The following FRMD4B variants were observed in gnomAD, a reference collection of about 807,000 sequenced individuals.
The protein encoded by FRMD4B is FERM domain-containing protein 4B.
In FRMD4B, 74 loss-of-function variants were observed where a neutral mutation model predicts 141.5. The observed-to-expected ratio is 0.52, with a 90% confidence interval of 0.43 to 0.63. The LOEUF (loss-of-function observed/expected upper bound fraction) is 0.63, where lower values mean the gene tolerates loss of function less well. FRMD4B is among the 30% of genes least tolerant of loss of function. FRMD4B has a pLI of 0.00. For synonymous variants in FRMD4B, 506 were observed against 467.9 expected (o/e 1.08, Z -1.05); for missense variants, 1,366 against 1,253.4 (o/e 1.09, Z -1.36).
At position 69,459,050 on chromosome 3, in the gene FRMD4B, C is replaced by T. The variant is rs184665650; in HGVS notation, c.-128-26289G>A. On this transcript the variant is annotated intron_variant, in intron 1 of 5. Coordinates refer to the FRMD4B transcript ENST00000459638. Reference sequence around the variant, plus strand: ...TTCCTGAGACTCTGAGTCTGCTTAACTTCCTCCTAAACACACAGTGTTTTA... The same window carrying T: ...TTCCTGAGACTCTGAGTCTGCTTAATTTCCTCCTAAACACACAGTGTTTTA... Among the ~76,000 whole-genome samples, 29 of 152,264 alleles carry T rather than the reference C, an allele frequency of 1.9e-4. No homozygotes were observed. In the East Asian group the frequency reaches 5.6e-3, roughly 29 times the overall value.
chr3:69,281,830 A>ATATAT (rs1288190595), intron 5 of FRMD4B, among the ~76,000 whole-genome samples: 2 of 41,524 alleles, frequency 4.8e-5, no homozygotes, highest in African/African-American at 1.2e-4. Flanking sequence ...TCTCAAAAAA[A>ATATAT]AAAAAAAAAT....
At chr3:69,255,722 T>C (rs756512947) in intron 5 of FRMD4B, among the ~76,000 whole-genome samples, 1 of 152,016 alleles carries the variant, frequency 6.6e-6, no homozygotes, top group Non-Finnish European at 1.5e-5. Flanking sequence ...TGGGGGAGGA[T>C]GGAAACTGCT....
chr3:69,468,690 A>C (rs956371068), intron 1 of FRMD4B, among the ~76,000 whole-genome samples: 2 of 152,204 alleles, frequency 1.3e-5, no homozygotes, highest in Admixed American at 1.3e-4. Context: ...TGGAGCAGCT[A>C]TATTTGCTAC....
At chr3:69,312,517 G>A (rs984549728) in intron 2 of FRMD4B, among the ~76,000 whole-genome samples, 5 of 152,200 alleles carry the variant, frequency 3.3e-5, no homozygotes, top group Admixed American at 1.3e-4. Flanking sequence ...AGCTGTAGGT[G>A]TGGCCCGTCC....
chr3:69,204,395 C>T (rs1340746115), intron 11 of FRMD4B, among the ~76,000 whole-genome samples: 1 of 152,158 alleles, frequency 6.6e-6, no homozygotes, highest in South Asian at 2.1e-4. Context: ...ACTCATAGTA[C>T]CTATAGGTTA....
At chr3:69,202,157 C>T (rs1028790267) in intron 11 of FRMD4B, among the ~76,000 whole-genome samples, 2 of 151,840 alleles carry the variant, frequency 1.3e-5, no homozygotes, top group Non-Finnish European at 2.9e-5. Flanking sequence ...GAGCCGAGAT[C>T]GCACCACTGC....
chr3:69,385,098 C>A (rs1038651997), intron 1 of FRMD4B, among the ~76,000 whole-genome samples: 6 of 151,666 alleles, frequency 4.0e-5, no homozygotes, highest in Admixed American at 2.6e-4. Context: ...AGGCAAACTG[C>A]AGTACCAGAG....
intron 2 of FRMD4B, among the ~76,000 whole-genome samples, chr3:69,392,683 T>TG (rs1025850239): frequency 1.3e-5 from 2 of 152,016 alleles, no homozygotes; most frequent in African/African-American, 4.8e-5. Context: ...GGTAAGAGGT[T>TG]GGTGGGCAAA....
At chr3:69,449,332 G>T (rs1320837944) in intron 1 of FRMD4B, among the ~76,000 whole-genome samples, 4 of 152,124 alleles carry the variant, frequency 2.6e-5, no homozygotes, top group African/African-American at 9.7e-5. Context: ...CGAAGATTGT[G>T]TTCTAACACA....
chr3:69,493,141 C>A (rs1187823607), intron 1 of FRMD4B, among the ~76,000 whole-genome samples: 1 of 152,236 alleles, frequency 6.6e-6, no homozygotes, highest in Non-Finnish European at 1.5e-5. Flanking sequence ...CACTCACATG[C>A]ATGACTTTTA....
intron 2 of FRMD4B, among the ~76,000 whole-genome samples, chr3:69,403,936 C>T (rs986428621): frequency 1.3e-5 from 2 of 152,122 alleles, no homozygotes; most frequent in Non-Finnish European, 2.9e-5. Flanking sequence ...TCTCTCTTGT[C>T]ACCCGGGCTC....
chr3:69,458,419 T>TAAAACTA (rs1187236264), intron 1 of FRMD4B, among the ~76,000 whole-genome samples: 2 of 152,176 alleles, frequency 1.3e-5, no homozygotes, highest in Non-Finnish European at 2.9e-5. Context: ...TAGTCTAGTC[T>TAAAACTA]GAGATTTAGC....
At chr3:69,206,296 G>T (rs542524949) in intron 11 of FRMD4B, among the ~76,000 whole-genome samples, 13 of 152,274 alleles carry the variant, frequency 8.5e-5, no homozygotes, top group African/African-American at 3.1e-4. Context: ...GTTGCAGTGA[G>T]CTGAGATCGT....
At chr3:69,174,618 G>C (rs566814779) in intron 22 of FRMD4B, among the ~76,000 whole-genome samples, 33 of 152,214 alleles carry the variant, frequency 2.2e-4, no homozygotes, top group South Asian at 1.7e-3. Context: ...TGTATGTTAT[G>C]ACCCCTCTGA....
chr3:69,457,137 G>T (rs1705631898), intron 1 of FRMD4B, among the ~76,000 whole-genome samples: 1 of 151,716 alleles, frequency 6.6e-6, no homozygotes, highest in African/African-American at 2.4e-5. Flanking sequence ...CATGAATGAA[G>T]GAACAAAGAA....
At chr3:69,273,650 T>C (rs1033048495) in intron 5 of FRMD4B, among the ~76,000 whole-genome samples, 4 of 152,176 alleles carry the variant, frequency 2.6e-5, no homozygotes, top group Non-Finnish European at 4.4e-5. Flanking sequence ...TTTTGCAAAA[T>C]TTGATCAATT....
chr3:69,507,857 T>A, intron 1 of FRMD4B, among the ~76,000 whole-genome samples: 1 of 152,198 alleles, frequency 6.6e-6, no homozygotes, highest in East Asian at 1.9e-4. Context: ...AATAGGTTTT[T>A]TTTTCAGAGG....
chr3:69,480,052 G>T lies in FRMD4B; in HGVS notation c.-128-47291C>A, dbSNP rs1010353943. Among the ~76,000 whole-genome samples, 8 of 152,012 alleles carry T rather than the reference G, an allele frequency of 5.3e-5. No individual in the cohort carries two copies. In the South Asian group the frequency reaches 1.0e-3, roughly 20 times the overall value. On this transcript the variant is annotated intron_variant, in intron 1 of 5. Transcript: ENST00000459638. Reference sequence around the variant, plus strand: ...GTAGTTCTCGAGCCTTGGCTTTCAGGTCCATCAGCTCCTTTAAGCACTTCT... The same window carrying T: ...GTAGTTCTCGAGCCTTGGCTTTCAGTTCCATCAGCTCCTTTAAGCACTTCT...
chr3:69,212,381 G>GGA lies in FRMD4B; in HGVS notation c.876+3881_876+3882insTC, dbSNP rs1553702397. On this transcript the variant is annotated intron_variant, in intron 11 of 22. Transcript: ENST00000398540. ...TCTCAAAAAAAAAAAAAAAAAAAAA[G>GGA]AAAAAAAAAAAGAAAAAAAAGAAAA... is the stretch of plus-strand genomic sequence containing the variant. Among the ~76,000 whole-genome samples, 314 of 95,632 alleles carry GGA rather than the reference G, an allele frequency of 3.3e-3. 10 individuals are homozygous for GGA. Among genetic ancestry groups the GGA allele is most frequent in the Middle Eastern group, 0.014 (2 of 144 alleles). 62.7% of individuals were successfully genotyped at this position (95,632 alleles called of 152,430 possible).
Sources: gnomAD v4.1 joint callset for allele counts (sites outside exome capture counted in the v4.1 genomes callset) on GRCh38, gnomAD v4.1.1 for gene constraint, MANE v1.5 for transcripts, NCBI Gene and HGNC (gene_info 2026-07-23, HGNC 2026-07-21) for gene names.